MROH7: variants seen among roughly 807,000 people sequenced by gnomAD.
The protein encoded by MROH7 is maestro heat-like repeat-containing protein family member 7.
A neutral mutation model predicts 129.2 loss-of-function variants in MROH7; 113 were observed. The ratio of observed to expected loss-of-function variants is 0.87; its 90% CI spans 0.75 to 1.02. The LOEUF is 1.02. Ranked by LOEUF, MROH7 falls within the 50% of genes least tolerant of loss-of-function variation. The pLI is 0.00. For synonymous variants in MROH7, 655 were observed against 667.9 expected, an observed-to-expected ratio of 0.98 and a Z score of 0.30; for missense variants, 1,601 against 1,671.3, an observed-to-expected ratio of 0.96 and a Z score of 0.73.
At chr1:54,677,462 G>A (rs1645000696) in intron 10 of MROH7, among the ~76,000 whole-genome samples, 1 of 152,132 alleles carries the variant, frequency 6.6e-6, no homozygotes, top group African/African-American at 2.4e-5. Context: ...CCCGAAGTGT[G>A]GGGACTACAG....
At chr1:54,655,163 C>A (rs1338371306) in intron 3 of MROH7, among the ~76,000 whole-genome samples, 3 of 151,608 alleles carry the variant, frequency 2.0e-5, no homozygotes, top group Admixed American at 6.6e-5. Context: ...TACAGGCGCC[C>A]ACCACCACGC....
chr1:54,688,206 C>A (rs1394614228), intron 15 of MROH7, among the ~76,000 whole-genome samples: 1 of 145,990 alleles, frequency 6.8e-6, no homozygotes, highest in African/African-American at 2.6e-5. Context: ...GGTGTCACAG[C>A]GAGACTCCGT....
chr1:54,654,960 T>G (rs1437188487), intron 3 of MROH7, among the ~76,000 whole-genome samples: 1 of 152,146 alleles, frequency 6.6e-6, no homozygotes, highest in Non-Finnish European at 1.5e-5. Flanking sequence ...ATATTAAGAT[T>G]TTTTAAAAAG....
intron 22 of MROH7, 70 bp downstream of exon 22, chr1:54,706,607 G>A: frequency 1.6e-6 from 2 of 1,218,770 alleles, no homozygotes; most frequent in South Asian, 1.2e-5. Context: ...TTCCTCCCAG[G>A]CTGCTAGCCC....
chr1:54,660,134 T>C (rs1334465350), intron 3 of MROH7, among the ~76,000 whole-genome samples: 1 of 152,216 alleles, frequency 6.6e-6, no homozygotes, highest in Non-Finnish European at 1.5e-5. Context: ...CTGAGTAATT[T>C]ATAAACAACA....
chr1:54,665,406 ATCT>A, intron 4 of MROH7, among the ~76,000 whole-genome samples, 166 bp downstream of exon 4: 1 of 152,230 alleles, frequency 6.6e-6, no homozygotes, highest in African/African-American at 2.4e-5. Flanking sequence ...TTGTTTATTC[ATCT>A]TCTTTCTTGT....
At chr1:54,686,485 G>T in intron 15 of MROH7, 37 bp downstream of exon 15, 1 of 1,583,340 alleles carries the variant, frequency 6.3e-7, no homozygotes, top group Non-Finnish European at 8.6e-7. Flanking sequence ...TGCTGTCCCC[G>T]GTGGTGGGAA....
intron 10 of MROH7, among the ~76,000 whole-genome samples, chr1:54,674,858 G>A (rs1644956830): frequency 6.6e-6 from 1 of 152,202 alleles, no homozygotes; most frequent in African/African-American, 2.4e-5. Flanking sequence ...TCTGGGGGTA[G>A]AATGACCTTT....
At chr1:54,693,853 C>A (rs527317076) in intron 16 of MROH7, among the ~76,000 whole-genome samples, 21 of 152,320 alleles carry the variant, frequency 1.4e-4, no homozygotes, top group African/African-American at 5.1e-4. Context: ...CCCATTTAAT[C>A]CTCACCGTGA....
At chr1:54,680,111 G>T (rs1217186795) in intron 13 of MROH7, 66 bp downstream of exon 13, 2 of 1,528,124 alleles carry the variant, frequency 1.3e-6, no homozygotes, top group Non-Finnish European at 1.8e-6. Context: ...ACCCCAGGTT[G>T]GGGACCCCCT....
rs763518964 is a variant in MROH7, at chr1:54,657,520, A to G, written c.1231+3363A>G. Among the ~76,000 whole-genome samples the G allele has an allele frequency of 4.3e-4, 65 of 152,034 alleles. 1 individual carries two copies. Among genetic ancestry groups the G allele is most frequent in the Middle Eastern group, 3.4e-3 (1 of 292 alleles). On this transcript the variant is annotated intron_variant, in intron 3 of 23. Coordinates refer to ENST00000421030, the MANE Select transcript of MROH7 (RefSeq NM_001039464.4). ...CAGCCTCCCAAATAGCTACGACTGTAGGCACACACCACTACATCTAGCTAA... is the reference window on the plus strand; with the variant it reads ...CAGCCTCCCAAATAGCTACGACTGTGGGCACACACCACTACATCTAGCTAA...
rs375986700 is a variant in MROH7 at position 54,692,816 on chromosome 1, G to A, written c.2849+255G>A. On this transcript the variant is annotated intron_variant, in intron 16 of 23. Coordinates refer to ENST00000421030, the MANE Select transcript of MROH7 (RefSeq NM_001039464.4). The stretch of plus-strand genomic sequence containing the variant: ...TATCCACAAAGCACCATTCCTTAGT[G>A]CATTATGAATTTAGTTCCCATGCCA... 4.6e-5 allele frequency among the ~76,000 whole-genome samples: 7 copies of A among 152,218 alleles called. No homozygotes were observed. The East Asian group carries it at 7.7e-4, about 17-fold the overall frequency.
intron 15 of MROH7, 73 bp from the exon 16 acceptor site, chr1:54,692,351 G>T: frequency 6.3e-7 from 1 of 1,583,144 alleles, no homozygotes; most frequent in Admixed American, 1.7e-5. Context: ...TGGCAGGAGA[G>T]GCCGGGGTGG....
rs1479631025 is a variant in MROH7, at chr1:54,656,229, C to T, written c.1231+2072C>T. ...TTTTTTAATTGAAAAGTTTTTTTTT[C>T]GGCTGAGTGTGGTGGCTCACGCCTG... On this transcript the variant is annotated intron_variant, in intron 3 of 23. Transcript: ENST00000421030. Among the ~76,000 whole-genome samples, 7 of 147,726 alleles carry T rather than the reference C, an allele frequency of 4.7e-5. No homozygotes were observed. The East Asian group carries it at 1.1e-3, about 23-fold the overall frequency.
At chr1:54,659,374 C>T (rs573895671) in intron 3 of MROH7, among the ~76,000 whole-genome samples, 4 of 152,200 alleles carry the variant, frequency 2.6e-5, no homozygotes, top group African/African-American at 7.2e-5. Context: ...CCTCCACCTT[C>T]GGGGTTCAAG....
intron 13 of MROH7, among the ~76,000 whole-genome samples, chr1:54,682,160 CTTTTTTTTTTT>C (rs36109984): frequency 3.0e-5 from 4 of 134,950 alleles, no homozygotes; most frequent in Non-Finnish European, 6.3e-5. Context: ...TTCTTTCTTT[CTTTTTTTTTTT>C]TTTTTTGAAG....
At chr1:54,687,920 G>A (rs1303599685) in intron 15 of MROH7, among the ~76,000 whole-genome samples, 1 of 144,874 alleles carries the variant, frequency 6.9e-6, no homozygotes, top group Non-Finnish European at 1.5e-5. Context: ...CCAGGCTGGA[G>A]TGCAGTGGTG....
Position 54,678,779 on chromosome 1 carries a change from A to G in MROH7, c.1974A>G (p.Leu658=). The change falls in exon 11 of 24, where the codon CTA becomes CTG. Residue 658 remains leucine, a synonymous_variant. Coordinates refer to ENST00000421030, the MANE Select transcript of MROH7 (RefSeq NM_001039464.4). ...RDKEETNKKE[L]YESNKHFLGP... is the part of the protein sequence containing the mutation. ...AGGAAGAGACCAACAAAAAGGAGCT[A>G]TATGAGAGCAACAAGCATTTCCTGG... The G allele has an allele frequency of 6.2e-7, 1 of 1,614,120 alleles. No homozygotes were observed. Among genetic ancestry groups the G allele is most frequent in the Non-Finnish European group, 8.5e-7 (1 of 1,179,984 alleles).
At chr1:54,693,036 A>G (rs1231679079) in intron 16 of MROH7, among the ~76,000 whole-genome samples, 1 of 152,152 alleles carries the variant, frequency 6.6e-6, no homozygotes, top group Non-Finnish European at 1.5e-5. Context: ...GGATTAATTA[A>G]AGTACTTTGA....
Sources: gnomAD v4.1 joint callset for allele counts (sites outside exome capture counted in the v4.1 genomes callset) on GRCh38, gnomAD v4.1.1 for gene constraint, MANE v1.5 for transcripts, NCBI Gene and HGNC (gene_info 2026-07-23, HGNC 2026-07-21) for gene names.